The following UBE2F variants were observed in gnomAD, a reference collection of about 807,000 sequenced individuals.
UBE2F encodes ubiquitin conjugating enzyme E2 F (putative), also known as NEDD8-conjugating enzyme UBE2F.
Under a neutral mutation model 29.6 loss-of-function variants are expected in UBE2F, and 5 were observed. The observed-to-expected ratio is 0.17, with a 90% CI of 0.09 to 0.36. The LOEUF is 0.36. Ranked by LOEUF, UBE2F falls within the 10% of genes least tolerant of loss-of-function variation. The pLI is 1.00. For synonymous variants in UBE2F, 66 were observed against 81.8 expected (o/e 0.81, Z 1.04); for missense variants, 141 against 228.5 (o/e 0.62, Z 2.47).
intron 8 of UBE2F, 159 bp from the exon 9 acceptor site, chr2:238,035,719 T>A (rs2064693799): frequency 1.7e-6 from 1 of 585,606 alleles, no homozygotes; most frequent in African/African-American, 1.9e-5. Context: ...GTTCGATATT[T>A]TGGTATCACA....
intron 4 of UBE2F, among the ~76,000 whole-genome samples, chr2:238,004,422 T>C (rs2063859974): frequency 6.6e-6 from 1 of 152,192 alleles, no homozygotes; most frequent in African/African-American, 2.4e-5. Context: ...TTTTTTCTTA[T>C]TGTGGGATTT....
chr2:238,007,271 AC>A (rs1196706324), intron 4 of UBE2F, among the ~76,000 whole-genome samples: 1 of 151,740 alleles, frequency 6.6e-6, no homozygotes, highest in Non-Finnish European at 1.5e-5. Context: ...ACAGGTGCCC[AC>A]CACCATGCCC....
intron 5 of UBE2F, 55 bp from the exon 6 acceptor site, chr2:238,025,287 G>T: frequency 6.8e-7 from 1 of 1,472,234 alleles, no homozygotes; most frequent in Non-Finnish European, 9.5e-7. Context: ...CTGGCCTGGA[G>T]ATGTGATTTG....
At chr2:237,997,236 A>G (rs1287152088) in intron 4 of UBE2F, among the ~76,000 whole-genome samples, 1 of 152,196 alleles carries the variant, frequency 6.6e-6, no homozygotes, top group Non-Finnish European at 1.5e-5. Context: ...AATAAAAAAA[A>G]TAAATAAAAA....
At chr2:238,021,176 C>T (rs1186758784) in intron 5 of UBE2F, among the ~76,000 whole-genome samples, 4 of 152,306 alleles carry the variant, frequency 2.6e-5, no homozygotes, top group Non-Finnish European at 4.4e-5. Context: ...ACCACGTCTC[C>T]TCACATGTTG....
At chr2:238,019,512 A>G (rs940924945) in intron 5 of UBE2F, among the ~76,000 whole-genome samples, 9 of 151,946 alleles carry the variant, frequency 5.9e-5, no homozygotes, top group African/African-American at 2.2e-4. Flanking sequence ...GATTACACGC[A>G]TGTACCACCA....
intron 5 of UBE2F, among the ~76,000 whole-genome samples, chr2:238,017,229 C>T (rs2064177643): frequency 6.6e-6 from 1 of 152,140 alleles, no homozygotes. Flanking sequence ...TGATAGGAAA[C>T]TAGTTTTTGA....
At chr2:238,009,691 T>C (rs2063975548) in intron 4 of UBE2F, among the ~76,000 whole-genome samples, 1 of 152,214 alleles carries the variant, frequency 6.6e-6, no homozygotes, top group African/African-American at 2.4e-5. Context: ...GGTGCCCATG[T>C]CTGTGCTGCC....
Position 238,017,465 on chromosome 2 carries a change from T to G in UBE2F, c.282+832T>G, listed in dbSNP as rs532839645. Among the ~76,000 whole-genome samples, 3 of 152,130 alleles carry G rather than the reference T, an allele frequency of 2.0e-5. No individual in the cohort carries two copies. In the South Asian group the frequency reaches 6.2e-4, roughly 32 times the overall value. On this transcript the variant is annotated intron_variant, in intron 5 of 9. Coordinates refer to ENST00000272930, the MANE Select transcript of UBE2F (RefSeq NM_080678.3). Reference sequence around the variant, plus strand: ...GTCAACTCGAGTGAAGAATTGGAGTTGGGGAAGAATAGAGGAAAAAATGGG... The same window carrying G: ...GTCAACTCGAGTGAAGAATTGGAGTGGGGGAAGAATAGAGGAAAAAATGGG...
intron 3 of UBE2F, among the ~76,000 whole-genome samples, chr2:237,992,014 G>A (rs879597739): frequency 3.9e-5 from 6 of 151,974 alleles, no homozygotes; most frequent in Non-Finnish European, 8.8e-5. Flanking sequence ...ACAGGCATGC[G>A]CCATTACATC....
chr2:237,975,005 C>T (rs1447776696), intron 2 of UBE2F, among the ~76,000 whole-genome samples: 3 of 152,100 alleles, frequency 2.0e-5, no homozygotes, highest in Non-Finnish European at 4.4e-5. Context: ...CTCCTGACCT[C>T]AGGTGAGCCA....
Position 238,026,189 on chromosome 2 carries a change from TG to T in UBE2F, c.353+780del, listed in dbSNP as rs1457307172. ...CCTGCCCGGCTGCCCGGGGCAGCTG[TG>T]GGACTTTAGGCTAGGTATTTGAACT... On this transcript the variant is annotated intron_variant, in intron 6 of 9. Transcript: ENST00000272930. Among the ~76,000 whole-genome samples, 3 of 152,348 alleles carry T rather than the reference TG, an allele frequency of 2.0e-5. No individual in the cohort carries two copies. The East Asian group carries it at 5.8e-4, about 29-fold the overall frequency.
rs1352111516 is a variant in UBE2F at position 237,973,171 on chromosome 2, A to C, written c.64A>C (p.Thr22Pro). 6.2e-7 allele frequency: 1 copy of C among 1,614,120 alleles called. No individual in the cohort carries two copies. Among genetic ancestry groups the C allele is most frequent in the Non-Finnish European group, 8.5e-7 (1 of 1,179,958 alleles). ...TCTCAAAGGGTCCCGGACGGCAGCC[A>C]CAGCGTCCGACTCGACTCGGAGGGT... The part of the protein sequence containing the change: ...DGLKGSRTAA[T>P]ASDSTRRVSV... Residue 22 changes from threonine to proline, a missense_variant, in exon 2 of 10, where the codon ACA becomes CCA. Physicochemically the swap from Thr to Pro is conservative, Grantham distance 38. Coordinates refer to ENST00000272930, the MANE Select transcript of UBE2F (RefSeq NM_080678.3).
intron 4 of UBE2F, 57 bp from the exon 5 acceptor site, chr2:238,016,508 GT>G: frequency 1.4e-6 from 2 of 1,468,316 alleles, no homozygotes; most frequent in Non-Finnish European, 1.9e-6. Flanking sequence ...TTTGCTTTTT[GT>G]TTCCTTTTTT....
chr2:238,032,401 A>C, intron 8 of UBE2F, 147 bp downstream of exon 8: 2 of 660,462 alleles, frequency 3.0e-6, no homozygotes, highest in Non-Finnish European at 5.2e-6. Context: ...TAATCCTAGC[A>C]CTTTGGGTGG....
rs988947515 is a variant in UBE2F at position 237,982,278 on chromosome 2, C to T, written c.119-5685C>T. 3.9e-5 allele frequency among the ~76,000 whole-genome samples: 6 copies of T among 152,138 alleles called. No individual in the cohort carries two copies. In the East Asian group the frequency reaches 7.7e-4, roughly 20 times the overall value. ...CCTCTTGCTCCCGCACCCCTATCCC[C>T]GTAGGAGAAGGGGCCTGGCTCTGTT... On this transcript the variant is annotated intron_variant, in intron 2 of 9. Transcript: ENST00000272930. This position sits in a 1 kb window ranked among gnomAD's most constrained non-coding sequence, Gnocchi z 4.1.
In UBE2F at chr2:237,994,639, C is replaced by G; in HGVS notation, c.149-105C>G. 8 of 844,008 alleles carry G rather than the reference C, an allele frequency of 9.5e-6. No homozygotes were observed. The South Asian group carries it at 1.2e-4, about 13-fold the overall frequency. 52.3% of individuals were successfully genotyped at this position (844,008 alleles called of 1,614,324 possible). A position where few individuals can be genotyped will look rare whatever the true frequency, so the allele number is the denominator to read the frequency against. ...ATCTACCAACTTTCCATAAACCATA[C>G]GAATCCCTGTAGCACCGCTAACTTT... On this transcript the variant is annotated intron_variant, in intron 3 of 9. Coordinates refer to ENST00000272930, the MANE Select transcript of UBE2F (RefSeq NM_080678.3).
intron 1 of UBE2F, among the ~76,000 whole-genome samples, chr2:237,968,069 G>A (rs2063096915): frequency 6.6e-6 from 1 of 152,146 alleles, no homozygotes; most frequent in African/African-American, 2.4e-5. Flanking sequence ...CTAGACCTGG[G>A]TATCAGACTG....
intron 4 of UBE2F, among the ~76,000 whole-genome samples, chr2:238,007,838 G>GT (rs914215055): frequency 2.0e-5 from 3 of 151,914 alleles, no homozygotes; most frequent in Non-Finnish European, 4.4e-5. Flanking sequence ...GATATTTGTA[G>GT]TTTTTTTTGT....
Sources: gnomAD v4.1 joint callset for allele counts (sites outside exome capture counted in the v4.1 genomes callset) on GRCh38, gnomAD v4.1.1 for gene constraint, Gnocchi (gnomAD v3.1) non-coding constraint, MANE v1.5 for transcripts, NCBI Gene and HGNC (gene_info 2026-07-23, HGNC 2026-07-21) for gene names.